The following WWP2 variants were observed in gnomAD, a reference collection of about 807,000 sequenced individuals.
WWP2 encodes the protein WW domain containing E3 ubiquitin protein ligase 2, also known as NEDD4-like E3 ubiquitin-protein ligase WWP2.
In WWP2, 57 loss-of-function variants were observed where a neutral mutation model predicts 121.0. The observed-to-expected ratio is 0.47, with a 90% confidence interval of 0.38 to 0.59. The LOEUF is 0.59. Ranked by LOEUF, WWP2 falls within the 20% of genes least tolerant of loss-of-function variation. The probability of loss-of-function intolerance (pLI) is 0.00; values close to 1 mark genes in which losing one functional copy is unlikely to be tolerated. For synonymous variants in WWP2, 449 were observed against 441.3 expected (o/e 1.02, Z -0.22); for missense variants, 962 against 1,158.9 (o/e 0.83, Z 2.47).
intron 2 of WWP2, among the ~76,000 whole-genome samples, chr16:69,795,765 A>C (rs1220739832): frequency 7.2e-6 from 1 of 139,104 alleles, no homozygotes; most frequent in Non-Finnish European, 1.5e-5. Flanking sequence ...CTCATGCCTC[A>C]GCCTCCTGAG....
At chr16:69,801,991 G>A (rs780665132) in intron 4 of WWP2, among the ~76,000 whole-genome samples, 4 of 151,310 alleles carry the variant, frequency 2.6e-5, no homozygotes, top group East Asian at 1.9e-4. Flanking sequence ...GTGCAGTGGC[G>A]CGATCTTGGC....
chr16:69,916,298 A>T (rs924308236), intron 9 of WWP2, among the ~76,000 whole-genome samples: 1 of 152,142 alleles, frequency 6.6e-6, no homozygotes, highest in Non-Finnish European at 1.5e-5. Context: ...AGGCACAAGC[A>T]GTCCTCCCAC....
rs1476650967 is a variant in WWP2, at chr16:69,795,660, T to TTG, written c.71-3021_71-3020insGT. Among the ~76,000 whole-genome samples the TTG allele has an allele frequency of 3.0e-5, 4 of 133,860 alleles. No homozygotes were observed. In the East Asian group the frequency reaches 8.4e-4, roughly 28 times the overall value. 87.8% of individuals were successfully genotyped at this position (133,860 alleles called of 152,430 possible). ...CTTAAAAATAGGAGGTTTTTTTTTT[T>TTG]TTTTTTTTTTTTTTTGTGAGAGTCT... On this transcript the variant is annotated intron_variant, in intron 2 of 23. Coordinates refer to ENST00000359154, the MANE Select transcript of WWP2 (RefSeq NM_001270454.2).
chr16:69,841,503 T>C (rs1315086098), intron 5 of WWP2, among the ~76,000 whole-genome samples: 1 of 151,778 alleles, frequency 6.6e-6, no homozygotes, highest in Non-Finnish European at 1.5e-5. Flanking sequence ...GGAGGTGAGA[T>C]CAGAGAAACA....
At chr16:69,910,950 T>C (rs1027437347) in intron 9 of WWP2, among the ~76,000 whole-genome samples, 1 of 152,230 alleles carries the variant, frequency 6.6e-6, no homozygotes, top group Non-Finnish European at 1.5e-5. Flanking sequence ...TAGTCCTTCC[T>C]GAGTTTTAGG....
intron 4 of WWP2, among the ~76,000 whole-genome samples, chr16:69,823,290 A>G (rs1034217565): frequency 4.6e-5 from 7 of 152,168 alleles, no homozygotes; most frequent in Non-Finnish European, 1.0e-4. Context: ...TGTCTTTCTG[A>G]CACACAGCAC....
chr16:69,806,993 T>C (rs1038251672), intron 4 of WWP2, among the ~76,000 whole-genome samples: 6 of 139,414 alleles, frequency 4.3e-5, no homozygotes, highest in South Asian at 2.2e-4. Context: ...TTCATTCATT[T>C]ATAGCTTTTC....
chr16:69,920,917 AT>A (rs1184699772), intron 10 of WWP2, among the ~76,000 whole-genome samples: 4 of 152,198 alleles, frequency 2.6e-5, no homozygotes, highest in African/African-American at 9.7e-5. Flanking sequence ...TGGAGCTCAC[AT>A]CTGCCTGGTC....
intron 8 of WWP2, among the ~76,000 whole-genome samples, chr16:69,894,261 G>A (rs2058075083): frequency 7.0e-6 from 1 of 143,582 alleles, no homozygotes; most frequent in South Asian, 2.2e-4. Context: ...TTTTTTTTTG[G>A]TAGAGATGAG....
intron 7 of WWP2, among the ~76,000 whole-genome samples, chr16:69,883,037 C>A (rs1484251390): frequency 6.6e-6 from 1 of 151,910 alleles, no homozygotes; most frequent in Admixed American, 6.6e-5. Context: ...CTTGTAATCC[C>A]AGCTACTTGG....
intron 6 of WWP2, among the ~76,000 whole-genome samples, chr16:69,860,150 T>A (rs928362596): frequency 7.3e-5 from 11 of 150,916 alleles, no homozygotes; most frequent in African/African-American, 2.7e-4. Context: ...CCCATCGCTA[T>A]AAAAAAAAAT....
intron 6 of WWP2, among the ~76,000 whole-genome samples, chr16:69,860,894 A>G (rs538909119): frequency 7.9e-5 from 12 of 152,128 alleles, no homozygotes; most frequent in African/African-American, 2.6e-4. Flanking sequence ...TCCCCCATTC[A>G]TTCAAGGTCC....
rs779996006 is a variant in WWP2, at chr16:69,931,804, C to A, written c.1596C>A (p.Ile532=). Residue 532 remains isoleucine (I), a splice_region_variant and synonymous_variant, in exon 16 of 24, where the codon ATC becomes ATA. Transcript: ENST00000359154. ...GGCCCGATGCTCTGTCTTCCCAGAT[C>A]ATGAACATGAAACCCTATGACCTGC... ...QTLFEDSFQQ[I]MNMKPYDLRR... 6.2e-7 allele frequency: 1 copy of A among 1,613,692 alleles called. No individual in the cohort carries two copies. Among genetic ancestry groups the A allele is most frequent in the South Asian group, 1.1e-5 (1 of 91,052 alleles).
intron 6 of WWP2, among the ~76,000 whole-genome samples, chr16:69,860,148 T>C (rs967227134): frequency 7.3e-5 from 11 of 151,660 alleles, no homozygotes; most frequent in African/African-American, 2.7e-4. Flanking sequence ...CCCCCATCGC[T>C]ATAAAAAAAA....
chr16:69,868,358 C>CT (rs2057566119), intron 6 of WWP2, among the ~76,000 whole-genome samples: 1 of 152,188 alleles, frequency 6.6e-6, no homozygotes, highest in Non-Finnish European at 1.5e-5. Flanking sequence ...ACCACATGCC[C>CT]TTTCTGGGAA....
intron 1 of WWP2, among the ~76,000 whole-genome samples, chr16:69,764,130 G>T (rs995569718): frequency 6.6e-6 from 1 of 152,202 alleles, no homozygotes. Context: ...TAGTAAATGA[G>T]TAGGGACTCA....
At chr16:69,874,306 G>A (rs868200355) in intron 7 of WWP2, among the ~76,000 whole-genome samples, 5 of 152,194 alleles carry the variant, frequency 3.3e-5, no homozygotes, top group Admixed American at 6.5e-5. Flanking sequence ...CAGGACCAGA[G>A]GGGGGTCGAG....
chr16:69,790,940 G>C (rs1467786745), intron 2 of WWP2, among the ~76,000 whole-genome samples: 4 of 152,112 alleles, frequency 2.6e-5, no homozygotes, highest in Admixed American at 2.6e-4. Flanking sequence ...GCCTGTTCAT[G>C]TTCTTTGCCT....
chr16:69,789,466 G>A (rs2055862274), intron 2 of WWP2, among the ~76,000 whole-genome samples: 1 of 152,130 alleles, frequency 6.6e-6, no homozygotes. Flanking sequence ...ATGACCTCAT[G>A]ATCTCCCCGC....
Sources: gnomAD v4.1 joint callset for allele counts (sites outside exome capture counted in the v4.1 genomes callset) on GRCh38, gnomAD v4.1.1 for gene constraint, MANE v1.5 for transcripts, NCBI Gene and HGNC (gene_info 2026-07-23, HGNC 2026-07-21) for gene names.